Variants in GRIA2 observed in about 807,000 individuals in gnomAD.
GRIA2 encodes the protein glutamate ionotropic receptor AMPA type subunit 2, also known as glutamate receptor 2.
GRIA2 carries 14 observed loss-of-function variants against 97.3 expected under a neutral mutation model. The observed-to-expected ratio is 0.14, with a 90% confidence interval of 0.10 to 0.23. GRIA2 has a LOEUF of 0.23. GRIA2 is among the 10% of genes least tolerant of loss of function. The pLI is 1.00. For synonymous variants in GRIA2, 412 were observed against 387.8 expected, an observed-to-expected ratio of 1.06 and a Z score of -0.73; for missense variants, 558 against 1,069.8, an observed-to-expected ratio of 0.52 and a Z score of 6.67.
rs1428348612 is a variant in GRIA2, at chr4:157,220,863, A to G, written c.-180A>G. Reference sequence around the variant, plus strand: ...GACAGGGCGCAGGGCATCAGCAGCCACCAGCAGGACCTGGGAAATAGGGAT... The same window carrying G: ...GACAGGGCGCAGGGCATCAGCAGCCGCCAGCAGGACCTGGGAAATAGGGAT... On this transcript the variant is annotated 5_prime_UTR_variant, in exon 1 of 16. Transcript: ENST00000264426. 5.0e-6 allele frequency: 3 copies of G among 599,258 alleles called. No individual in the cohort carries two copies. Among genetic ancestry groups the G allele is most frequent in the Non-Finnish European group, 8.9e-6 (3 of 335,738 alleles). 37.1% of individuals were successfully genotyped at this position (599,258 alleles called of 1,614,324 possible).
intron 11 of GRIA2, among the ~76,000 whole-genome samples, chr4:157,339,211 A>G (rs984835847): frequency 2.0e-5 from 3 of 151,930 alleles, no homozygotes; most frequent in Admixed American, 1.3e-4. Flanking sequence ...GTCCCCAATG[A>G]CCCTAAAGGA....
chr4:157,237,433 T>G (rs996748929), intron 2 of GRIA2, among the ~76,000 whole-genome samples: 1 of 152,038 alleles, frequency 6.6e-6, no homozygotes, highest in Non-Finnish European at 1.5e-5. Flanking sequence ...TAGCTGGGAC[T>G]ACAGGCACAT....
At chr4:157,281,049 C>A (rs1027604677) in intron 2 of GRIA2, among the ~76,000 whole-genome samples, 3 of 151,942 alleles carry the variant, frequency 2.0e-5, no homozygotes, top group South Asian at 2.1e-4. Context: ...ATCCAGAGAA[C>A]TGTGAAATAA....
rs151031696 is a variant in GRIA2 at position 157,292,145 on chromosome 4, A to G, written c.230-11407A>G. Among the ~76,000 whole-genome samples, 518 of 152,144 alleles carry G rather than the reference A, an allele frequency of 3.4e-3. 3 individuals carry two copies. The highest frequency in any genetic ancestry group is 0.012 in the African/African-American group (482 of 41,554). The stretch of plus-strand genomic sequence containing the variant: ...AAAATGCTAAAGAAAAAAATGCAAA[A>G]CAATAGGTACAAAAATTTTGCAAAA... On this transcript the variant is annotated intron_variant, in intron 2 of 15. Transcript: ENST00000264426.
intron 2 of GRIA2, among the ~76,000 whole-genome samples, chr4:157,260,372 T>A (rs1425642305): frequency 1.3e-5 from 2 of 152,130 alleles, no homozygotes; most frequent in African/African-American, 4.8e-5. Flanking sequence ...GCAACCTAGA[T>A]ATAGATGGTC....
intron 2 of GRIA2, among the ~76,000 whole-genome samples, chr4:157,294,705 A>G (rs1244522867): frequency 2.6e-5 from 4 of 152,112 alleles, no homozygotes; most frequent in Non-Finnish European, 5.9e-5. Context: ...CACAGGCCCA[A>G]GTATGAGCTT....
At chr4:157,307,568 A>C (rs1733897163) in intron 3 of GRIA2, among the ~76,000 whole-genome samples, 1 of 152,172 alleles carries the variant, frequency 6.6e-6, no homozygotes, top group African/African-American at 2.4e-5. Flanking sequence ...AATTCAACAC[A>C]TTTTTAACAA....
intron 2 of GRIA2, among the ~76,000 whole-genome samples, chr4:157,301,298 C>A (rs760751876): frequency 6.6e-6 from 1 of 152,124 alleles, no homozygotes; most frequent in Non-Finnish European, 1.5e-5. Context: ...GAAGAAAGGA[C>A]ATAGTTATCA....
intron 2 of GRIA2, among the ~76,000 whole-genome samples, chr4:157,275,020 C>T (rs1732222889): frequency 6.6e-6 from 1 of 151,816 alleles, no homozygotes. Context: ...CACATCCTCT[C>T]CAGCGCCTGT....
intron 2 of GRIA2, among the ~76,000 whole-genome samples, chr4:157,277,591 T>A (rs1034080521): frequency 6.6e-6 from 1 of 151,570 alleles, no homozygotes; most frequent in Non-Finnish European, 1.5e-5. Context: ...AATAAAACTA[T>A]CTTTGTTTGC....
At chr4:157,233,237 G>A (rs1730100933) in intron 2 of GRIA2, among the ~76,000 whole-genome samples, 2 of 152,086 alleles carry the variant, frequency 1.3e-5, no homozygotes, top group Non-Finnish European at 2.9e-5. Flanking sequence ...GTGCACTATA[G>A]GACGAGAATG....
chr4:157,305,860 G>A (rs555640351), intron 3 of GRIA2, among the ~76,000 whole-genome samples: 1 of 152,100 alleles, frequency 6.6e-6, no homozygotes, highest in South Asian at 2.1e-4. Context: ...TAGTGTCATA[G>A]GATAAGCATT....
intron 2 of GRIA2, among the ~76,000 whole-genome samples, chr4:157,222,900 C>A (rs1455738257): frequency 6.6e-6 from 1 of 152,200 alleles, no homozygotes; most frequent in Admixed American, 6.5e-5. Flanking sequence ...CAGGCAGTCG[C>A]GGCCACTGTG....
intron 2 of GRIA2, among the ~76,000 whole-genome samples, chr4:157,222,442 T>C (rs1057112670): frequency 1.3e-5 from 2 of 151,942 alleles, no homozygotes; most frequent in Non-Finnish European, 2.9e-5. Context: ...GGAGCGGGGC[T>C]GACGCAGGCT....
chr4:157,292,762 G>C (rs1371690840), intron 2 of GRIA2, among the ~76,000 whole-genome samples: 2 of 152,044 alleles, frequency 1.3e-5, no homozygotes, highest in Non-Finnish European at 2.9e-5. Flanking sequence ...TTATCAGTGA[G>C]GTGGCTGATG....
intron 6 of GRIA2, among the ~76,000 whole-genome samples, chr4:157,325,453 C>T (rs1734760841): frequency 6.6e-6 from 1 of 152,146 alleles, no homozygotes; most frequent in Non-Finnish European, 1.5e-5. Context: ...GTCTACTCCA[C>T]AGCAGGCACT....
chr4:157,311,897 T>C (rs1734096590), intron 3 of GRIA2, among the ~76,000 whole-genome samples: 1 of 152,032 alleles, frequency 6.6e-6, no homozygotes, highest in African/African-American at 2.4e-5. Context: ...TTGTAACTCT[T>C]AGTCCTAAAT....
intron 2 of GRIA2, among the ~76,000 whole-genome samples, chr4:157,265,072 G>C (rs1260997077): frequency 6.6e-6 from 1 of 152,010 alleles, no homozygotes; most frequent in Admixed American, 6.6e-5. Flanking sequence ...TTATTATTAG[G>C]TTATACTGCC....
chr4:157,284,346 T>C (rs1007592176), intron 2 of GRIA2, among the ~76,000 whole-genome samples: 1 of 151,850 alleles, frequency 6.6e-6, no homozygotes, highest in African/African-American at 2.4e-5. Flanking sequence ...TTTGTGGACT[T>C]ACATTGGATG....
Sources: allele counts gnomAD v4.1 joint callset (sites outside exome capture counted in the v4.1 genomes callset), GRCh38; gene constraint gnomAD v4.1.1; transcripts MANE v1.5; gene names NCBI Gene and HGNC (gene_info 2026-07-23, HGNC 2026-07-21).